Variants in GOLPH3L observed in about 807,000 individuals in gnomAD.
GOLPH3L encodes the protein golgi phosphoprotein 3 like, also known as Golgi phosphoprotein 3-like.
A neutral mutation model predicts 30.3 loss-of-function variants in GOLPH3L; 22 were observed. The ratio of observed to expected loss-of-function variants is 0.73; its 90% CI spans 0.52 to 1.04. The LOEUF (loss-of-function observed/expected upper bound fraction) is 1.04, where lower values mean the gene tolerates loss of function less well. Ranked by LOEUF, GOLPH3L falls within the 50% of genes least tolerant of loss-of-function variation. GOLPH3L has a pLI of 0.00. For synonymous variants in GOLPH3L, 120 were observed against 128.2 expected (o/e 0.94, Z 0.43); for missense variants, 303 against 345.8 (o/e 0.88, Z 0.98).
intron 2 of GOLPH3L, among the ~76,000 whole-genome samples, chr1:150,683,873 T>A (rs921375872): frequency 2.6e-5 from 4 of 152,124 alleles, no homozygotes; most frequent in Non-Finnish European, 5.9e-5. Flanking sequence ...CTTCATAACC[T>A]ATTTTTTCTA....
chr1:150,663,186 C>T (rs587726876), intron 3 of GOLPH3L, among the ~76,000 whole-genome samples: 2 of 152,202 alleles, frequency 1.3e-5, no homozygotes, highest in East Asian at 3.9e-4. Flanking sequence ...AGGCGCCCGC[C>T]ACAATGCCCC....
chr1:150,663,851 T>C, intron 2 of GOLPH3L, 88 bp from the exon 3 acceptor site: 1 of 1,129,128 alleles, frequency 8.9e-7, no homozygotes. Context: ...CGCTTTGTTG[T>C]GATTCGTTTC....
chr1:150,694,560 C>G, intron 2 of GOLPH3L, 96 bp downstream of exon 2: 1 of 752,964 alleles, frequency 1.3e-6, no homozygotes, highest in South Asian at 2.3e-5. Flanking sequence ...AATTCTAAGA[C>G]CAATTTATTA....
chr1:150,683,732 A>AAAG (rs1198920736), intron 2 of GOLPH3L, among the ~76,000 whole-genome samples: 51 of 70,556 alleles, frequency 7.2e-4, no homozygotes, highest in African/African-American at 1.9e-3. Flanking sequence ...AAAAAAAAAA[A>AAAG]AGAGAGATAC....
chr1:150,671,563 T>C (rs992647073), intron 2 of GOLPH3L, among the ~76,000 whole-genome samples: 5 of 151,984 alleles, frequency 3.3e-5, no homozygotes, highest in Non-Finnish European at 2.9e-5. Flanking sequence ...TCCCAGCACT[T>C]TGGGAGGCCA....
intron 4 of GOLPH3L, among the ~76,000 whole-genome samples, chr1:150,649,655 A>G (rs1650060052): frequency 6.6e-6 from 1 of 152,192 alleles, no homozygotes; most frequent in Non-Finnish European, 1.5e-5. Context: ...GCACCCACTC[A>G]GGAGCAATCA....
At chr1:150,683,531 C>A (rs12067068) in intron 2 of GOLPH3L, among the ~76,000 whole-genome samples, 1,606 of 55,336 alleles carry the variant, frequency 0.029, 43 homozygotes, top group African/African-American at 0.1. Flanking sequence ...GACTCTGTCT[C>A]AAAAAAAAAA....
At position 150,648,512 on chromosome 1, in the gene GOLPH3L, G is replaced by C; in HGVS notation, c.667C>G (p.Leu223Val). The C allele has an allele frequency of 6.2e-7, 1 of 1,613,976 alleles. No individual in the cohort carries two copies. The highest frequency in any genetic ancestry group is 1.7e-5 in the Admixed American group (1 of 60,018). ...NDPQRMDKRT[L>V]ALLVLAHSSD... ...GAGTGGGCTAGCACCAGGAGTGCTA[G>C]TGTTCGCTTGTCCATACGCTGAGGG... The change falls in exon 5 of 5, where the codon CTA (leucine) becomes GTA (valine). Residue 223 changes from leucine to valine, a missense_variant. Physicochemically the swap from Leu to Val is conservative, Grantham distance 32. Transcript: ENST00000271732.
Position 150,660,917 on chromosome 1 carries a change from CT to C in GOLPH3L, c.430+896del, listed in dbSNP as rs587673628. 9.0e-4 allele frequency among the ~76,000 whole-genome samples: 137 copies of C among 152,246 alleles called. 3 individuals are homozygous for C. In the East Asian group the frequency reaches 0.025, roughly 27 times the overall value. Reference sequence around the variant, plus strand: ...ATATTTAATTTCACAGAATTGTACACTTAAGAATGGCTAAAATAATAATAAA... The same window carrying C: ...ATATTTAATTTCACAGAATTGTACACTAAGAATGGCTAAAATAATAATAAA... On this transcript the variant is annotated intron_variant, in intron 4 of 4. Transcript: ENST00000271732.
At chr1:150,683,828 T>C (rs1651022134) in intron 2 of GOLPH3L, among the ~76,000 whole-genome samples, 1 of 151,518 alleles carries the variant, frequency 6.6e-6, no homozygotes, top group Non-Finnish European at 1.5e-5. Flanking sequence ...TGAGCTGTCC[T>C]TCAGGCGGAT....
intron 2 of GOLPH3L, among the ~76,000 whole-genome samples, chr1:150,688,066 A>G (rs904004478): frequency 6.6e-6 from 1 of 152,250 alleles, no homozygotes; most frequent in East Asian, 1.9e-4. Context: ...ATATACATAC[A>G]TGTCAAAACT....
intron 3 of GOLPH3L, 96 bp from the exon 4 acceptor site, chr1:150,662,024 G>C (rs1047569937): frequency 2.1e-5 from 15 of 715,326 alleles, no homozygotes; most frequent in Non-Finnish European, 3.3e-5. Flanking sequence ...GTTAAAAATT[G>C]CAAGAATGTA....
chr1:150,652,935 T>C (rs1048257347), intron 4 of GOLPH3L, among the ~76,000 whole-genome samples: 6 of 151,890 alleles, frequency 4.0e-5, no homozygotes, highest in African/African-American at 1.5e-4. Context: ...TGCTTTCTTC[T>C]CTTCTTTAAT....
chr1:150,694,931 C>A, intron 1 of GOLPH3L, 81 bp from the exon 2 acceptor site: 1 of 727,218 alleles, frequency 1.4e-6, no homozygotes, highest in South Asian at 2.0e-5. Context: ...TACTAAACAT[C>A]CATACAAATA....
At chr1:150,681,473 C>A (rs1650945780) in intron 2 of GOLPH3L, among the ~76,000 whole-genome samples, 1 of 151,992 alleles carries the variant, frequency 6.6e-6, no homozygotes, top group Non-Finnish European at 1.5e-5. Context: ...GGAAACATGG[C>A]AGGAATATAT....
chr1:150,671,217 G>C (rs1454034582), intron 2 of GOLPH3L, among the ~76,000 whole-genome samples: 1 of 151,874 alleles, frequency 6.6e-6, no homozygotes, highest in African/African-American at 2.4e-5. Context: ...ACTCCAGCCT[G>C]GGCGGCAGAG....
intron 2 of GOLPH3L, among the ~76,000 whole-genome samples, chr1:150,668,591 C>G (rs1393482836): frequency 2.0e-5 from 3 of 152,104 alleles, no homozygotes; most frequent in African/African-American, 7.2e-5. Flanking sequence ...CCATGTTGCC[C>G]AGGCTGGTCT....
intron 2 of GOLPH3L, among the ~76,000 whole-genome samples, chr1:150,684,083 C>T (rs919782817): frequency 6.6e-6 from 1 of 152,128 alleles, no homozygotes; most frequent in Non-Finnish European, 1.5e-5. Context: ...GAAATTTGGA[C>T]ACCTAGAGAC....
intron 2 of GOLPH3L, among the ~76,000 whole-genome samples, chr1:150,680,675 T>A (rs906995133): frequency 3.9e-5 from 6 of 152,134 alleles, no homozygotes; most frequent in Admixed American, 3.9e-4. Flanking sequence ...CCTACAGATA[T>A]TTACTTTAAA....
Sources: gnomAD v4.1 joint callset for allele counts (sites outside exome capture counted in the v4.1 genomes callset) on GRCh38, gnomAD v4.1.1 for gene constraint, MANE v1.5 for transcripts, NCBI Gene and HGNC (gene_info 2026-07-23, HGNC 2026-07-21) for gene names.